The following ZNF442 variants were observed in gnomAD, a reference collection of about 807,000 sequenced individuals.
The protein encoded by ZNF442 is zinc finger protein 442.
A neutral mutation model predicts 57.0 loss-of-function variants in ZNF442; 45 were observed. The ratio of observed to expected loss-of-function variants is 0.79; its 90% CI spans 0.62 to 1.01. The LOEUF (loss-of-function observed/expected upper bound fraction) is 1.01. Among genes scored for constraint, ZNF442 ranks in the 50% least tolerant of loss-of-function variants. ZNF442 has a pLI of 0.00. For missense variants in ZNF442, 690 were observed against 756.5 expected (o/e 0.91, Z 1.03); for synonymous variants, 213 against 241.8 (o/e 0.88, Z 1.10).
upstream of ZNF442, among the ~76,000 whole-genome samples, chr19:12,369,478 C>T (rs193302188): frequency 1.3e-5 from 2 of 152,158 alleles, no homozygotes; most frequent in African/African-American, 4.8e-5. Context: ...ATTAGCCAGG[C>T]ATGGTGGTGC....
intron 3 of ZNF442, among the ~76,000 whole-genome samples, chr19:12,360,638 G>A (rs139048617): frequency 0.028 from 4,230 of 152,246 alleles, 50 homozygotes; most frequent in Middle Eastern, 0.037. Context: ...GTGCAGTGGC[G>A]CGATCTCAGC....
intron 3 of ZNF442, among the ~76,000 whole-genome samples, chr19:12,353,966 C>T (rs1424822883): frequency 6.6e-6 from 1 of 152,166 alleles, no homozygotes; most frequent in Non-Finnish European, 1.5e-5. Context: ...GAGTCTCCAC[C>T]AGCAAGGAGG....
chr19:12,351,934 G>A, intron 5 of ZNF442, 76 bp downstream of exon 5: 1 of 1,351,980 alleles, frequency 7.4e-7, no homozygotes, highest in Non-Finnish European at 1.0e-6. Context: ...CATTTTCTTT[G>A]CCTAGTTGTA....
At position 12,349,882 on chromosome 19, in the gene ZNF442, C is replaced by A; in HGVS notation, c.1703G>T (p.Gly568Val). 1 of 1,613,718 alleles carries A rather than the reference C, an allele frequency of 6.2e-7. No homozygotes were observed. Among genetic ancestry groups the A allele is most frequent in the African/African-American group, 1.3e-5 (1 of 74,884 alleles). Residue 568 changes from glycine (G) to valine (V), a missense_variant, in exon 6 of 6, where the codon GGA (glycine) becomes GTA (valine). By Grantham distance (109) the Gly-to-Val change is moderately radical. Coordinates refer to ENST00000242804, the MANE Select transcript of ZNF442 (RefSeq NM_030824.3). ...CLLRHERIHT[G>V]KKSYECQQCG... ...TTGTTGACATTCATAAGATTTCTTT[C>A]CAGTGTGAATTCTTTCATGTCGCAG...
Position 12,351,057 on chromosome 19 carries a change from AGT to A in ZNF442, c.526_527del (p.Thr176TrpfsTer6). ...CCTTACAATCATAGCGTTTCTTTCC[AGT>A]GTGAGGTCTTTCCTGTGTTTGAAAG... ...HSFQTQERPH[T>X]GKKRYDCKEC... On this transcript the variant is annotated frameshift_variant, in exon 6 of 6. Coordinates refer to ENST00000242804, the MANE Select transcript of ZNF442 (RefSeq NM_030824.3). LOFTEE classifies it high-confidence loss of function. 1 of 1,614,168 alleles carries A rather than the reference AGT, an allele frequency of 6.2e-7. No homozygotes were observed. Among genetic ancestry groups the A allele is most frequent in the Non-Finnish European group, 8.5e-7 (1 of 1,180,010 alleles).
Position 12,351,997 on chromosome 19 carries a change from G to A in ZNF442, c.266+13C>T. 1 of 1,611,016 alleles carries A rather than the reference G, an allele frequency of 6.2e-7. No homozygotes were observed. Among genetic ancestry groups the A allele is most frequent in the Non-Finnish European group, 8.5e-7 (1 of 1,178,316 alleles). ...CCACAGATATATGTCTTTCTCTTGT[G>A]AGTGCAAATTACCTTAGGCTCCTCC... On this transcript the variant is annotated intron_variant, in intron 5 of 5. Coordinates refer to ENST00000242804, the MANE Select transcript of ZNF442 (RefSeq NM_030824.3).
chr19:12,359,658 G>A (rs1478474908), intron 3 of ZNF442, among the ~76,000 whole-genome samples: 1 of 152,106 alleles, frequency 6.6e-6, no homozygotes, highest in African/African-American at 2.4e-5. Context: ...AACAGACTTA[G>A]GTTAGAGCAA....
At chr19:12,363,465 C>T (rs1380126757) in intron 3 of ZNF442, 89 bp downstream of exon 3, 7 of 1,299,750 alleles carry the variant, frequency 5.4e-6, no homozygotes, top group Non-Finnish European at 7.8e-6. Flanking sequence ...CCAGGAGATA[C>T]TTCACTGTGT....
chr19:12,367,561 G>A (rs375816575), upstream of ZNF442, among the ~76,000 whole-genome samples: 11 of 152,076 alleles, frequency 7.2e-5, no homozygotes, highest in South Asian at 2.1e-4. Flanking sequence ...AGACCAGGGC[G>A]TATTTCAGTC....
At position 12,351,316 on chromosome 19, in the gene ZNF442, C is replaced by CT; in HGVS notation, c.268_269insA (p.Cys90Ter). 1 of 1,607,674 alleles carries CT rather than the reference C, an allele frequency of 6.2e-7. No individual in the cohort carries two copies. The highest frequency in any genetic ancestry group is 8.5e-7 in the Non-Finnish European group (1 of 1,176,468). ...QHRNPRRSLRCHIIERFSESR... is the reference protein window; with the variant it reads ...QHRNPRRSLR The stretch of plus-strand genomic sequence containing the variant: ...TTCACTAAATCTCTCTATGATATGA[C>CT]ATCTGTAAAACATGAGAAGTATATT... Residue 90 changes from cysteine (C) to a stop codon, truncating the protein, a stop_gained and frameshift_variant and splice_region_variant, in exon 6 of 6, where the codon TGT becomes TAGT. Coordinates refer to ENST00000242804, the MANE Select transcript of ZNF442 (RefSeq NM_030824.3). LOFTEE classifies it high-confidence loss of function.
rs143486774 is a variant in ZNF442, at chr19:12,363,618, C to T, written c.14G>A (p.Gly5Glu). MIVF[G>E]GEDRSDLFLP... ...GAAGAGATCACTTCTGTCTTCTCCC[C>T]CAAATACAATCATTCAACTGGCTGA... The change falls in exon 3 of 6, where the codon GGG (glycine) becomes GAG (glutamate). Residue 5 changes from glycine (G) to glutamate (E), a missense_variant. Transcript: ENST00000242804. 1 of 1,614,044 alleles carries T rather than the reference C, an allele frequency of 6.2e-7. No homozygotes were observed. Among genetic ancestry groups the T allele is most frequent in the African/African-American group, 1.3e-5 (1 of 74,930 alleles).
At chr19:12,372,188 G>A in the ZNF442 span, among the ~76,000 whole-genome samples, 3 of 152,164 alleles carry the variant, frequency 2.0e-5, no homozygotes, top group African/African-American at 7.2e-5. Context: ...CGGGGGTGGA[G>A]GCTCACACCT....
chr19:12,367,567 C>T (rs553482185), upstream of ZNF442, among the ~76,000 whole-genome samples: 9 of 152,290 alleles, frequency 5.9e-5, no homozygotes, highest in African/African-American at 1.9e-4. Flanking sequence ...GGGCGTATTT[C>T]AGTCCTTATC....
chr19:12,372,319 C>T, the ZNF442 span, among the ~76,000 whole-genome samples: 1 of 151,936 alleles, frequency 6.6e-6, no homozygotes, highest in African/African-American at 2.4e-5. Flanking sequence ...ATTATCCAGA[C>T]ATGGTGGCGG....
In ZNF442 at chr19:12,359,705, C is replaced by T. The variant is rs539520783; in HGVS notation, c.78+3849G>A. The stretch of plus-strand genomic sequence containing the variant: ...AACTAGAATCTGATTCTCGGCCCGG[C>T]GTGGTTGCTCACACCTGTAATCCCA... On this transcript the variant is annotated intron_variant, in intron 3 of 5. Transcript: ENST00000242804. Among the ~76,000 whole-genome samples, 22 of 152,210 alleles carry T rather than the reference C, an allele frequency of 1.4e-4. 1 individual carries two copies. The highest frequency in any genetic ancestry group is 3.4e-4 in the African/African-American group (14 of 41,552).
rs902289802 is a variant in ZNF442 at position 12,352,163 on chromosome 19, A to T, written c.206-93T>A. 6 of 1,160,258 alleles carry T rather than the reference A, an allele frequency of 5.2e-6. No individual in the cohort carries two copies. The African/African-American group carries it at 9.2e-5, about 18-fold the overall frequency. The allele number at this position is 1,160,258 out of a possible 1,614,324, so 71.9% of individuals were successfully genotyped here. ...TGTACAATGGAATCATGCATGATTCATTCACTGAATTGTAGCTGACTCTTG... is the reference window on the plus strand; with the variant it reads ...TGTACAATGGAATCATGCATGATTCTTTCACTGAATTGTAGCTGACTCTTG... On this transcript the variant is annotated intron_variant, in intron 4 of 5. Coordinates refer to ENST00000242804, the MANE Select transcript of ZNF442 (RefSeq NM_030824.3).
At chr19:12,355,754 G>T (rs1409238547) in intron 3 of ZNF442, among the ~76,000 whole-genome samples, 1 of 151,716 alleles carries the variant, frequency 6.6e-6, no homozygotes, top group East Asian at 2.0e-4. Flanking sequence ...GATCTCTTGA[G>T]CCCAGCAGTT....
At chr19:12,354,866 C>T (rs1440726972) in intron 3 of ZNF442, among the ~76,000 whole-genome samples, 2 of 152,128 alleles carry the variant, frequency 1.3e-5, no homozygotes, top group Admixed American at 6.5e-5. Flanking sequence ...GTATGACAGA[C>T]AATATATGTG....
chr19:12,373,743 T>C, the ZNF442 span: 390 of 218,974 alleles, frequency 1.8e-3, no homozygotes, highest in Non-Finnish European at 3.3e-3. Context: ...TGACCTTCCT[T>C]CAAAGGGTTA....
Sources: gnomAD v4.1 joint callset for allele counts (sites outside exome capture counted in the v4.1 genomes callset) on GRCh38, gnomAD v4.1.1 for gene constraint, MANE v1.5 for transcripts, NCBI Gene and HGNC (gene_info 2026-07-23, HGNC 2026-07-21) for gene names.